The following SDK1 variants were observed in gnomAD, a reference collection of about 807,000 sequenced individuals.
SDK1 encodes the protein protein sidekick-1.
In SDK1, 157 loss-of-function variants were observed where a neutral mutation model predicts 245.5. The observed-to-expected ratio is 0.64, with a 90% CI of 0.56 to 0.73. The LOEUF is 0.73. Among genes scored for constraint, SDK1 ranks in the 30% least tolerant of loss-of-function variants. SDK1 has a pLI of 0.00. For missense variants in SDK1, 3,583 were observed against 3,002.3 expected (o/e 1.19, Z -4.52); for synonymous variants, 1,647 against 1,278.5 (o/e 1.29, Z -6.15).
intron 5 of SDK1, among the ~76,000 whole-genome samples, chr7:3,848,544 A>G (rs1455085004): frequency 6.6e-6 from 1 of 152,174 alleles, no homozygotes; most frequent in African/African-American, 2.4e-5. Context: ...ATCTACTAAT[A>G]GAAGTTGATT....
chr7:3,779,938 CAA>C lies in SDK1; in HGVS notation c.714-41490_714-41489del, dbSNP rs34979965. Among the ~76,000 whole-genome samples the C allele has an allele frequency of 8.8e-3, 411 of 46,562 alleles. 1 individual carries two copies. The highest frequency in any genetic ancestry group is 0.028 in the African/African-American group (395 of 14,134). The allele number at this position is 46,562 out of a possible 152,430, so 30.5% of individuals were successfully genotyped here. ...TGGGCGACAGAGGGAGACTCCGTCT[CAA>C]AAAAAAAAAAAAAAAAAAAAAGATG... On this transcript the variant is annotated intron_variant, in intron 4 of 44. Coordinates refer to ENST00000404826, the MANE Select transcript of SDK1 (RefSeq NM_152744.4).
rs547685925 is a variant in SDK1 at position 3,666,740 on chromosome 7, A to G, written c.713+24635A>G. On this transcript the variant is annotated intron_variant, in intron 4 of 44. Coordinates refer to ENST00000404826, the MANE Select transcript of SDK1 (RefSeq NM_152744.4). ...TCTTTTCATAATTACCTGTCAAAGT[A>G]CATTTGTGAAAACAAAAAAAATCAA... Among the ~76,000 whole-genome samples, 51 of 152,340 alleles carry G rather than the reference A, an allele frequency of 3.3e-4. No individual in the cohort carries two copies. In the South Asian group the frequency reaches 9.1e-3, roughly 27 times the overall value.
At position 4,026,411 on chromosome 7, in the gene SDK1, A is replaced by C. The variant is rs1369991908; in HGVS notation, c.2602+9059A>C. On this transcript the variant is annotated intron_variant, in intron 17 of 44. Transcript: ENST00000404826. This position sits in a 1 kb window ranked among gnomAD's most constrained non-coding sequence, Gnocchi z 4.1. Reference sequence around the variant, plus strand: ...ATGAAACTGGTATTTTGTGAATAGAAATAACATCTTGTTCCTAACTGACTT... The same window carrying C: ...ATGAAACTGGTATTTTGTGAATAGACATAACATCTTGTTCCTAACTGACTT... Among the ~76,000 whole-genome samples, 1 of 152,332 alleles carries C rather than the reference A, an allele frequency of 6.6e-6. No homozygotes were observed. The highest frequency in any genetic ancestry group is 2.4e-5 in the African/African-American group (1 of 41,574).
At chr7:3,544,382 C>G (rs973638190) in intron 1 of SDK1, among the ~76,000 whole-genome samples, 1 of 149,670 alleles carries the variant, frequency 6.7e-6, no homozygotes, top group Non-Finnish European at 1.5e-5. Context: ...AGCGACCTCA[C>G]AGGCAGCATG....
At chr7:3,884,746 G>A (rs913645773) in intron 5 of SDK1, among the ~76,000 whole-genome samples, 3 of 152,224 alleles carry the variant, frequency 2.0e-5, no homozygotes, top group Non-Finnish European at 4.4e-5. Context: ...TGAAGCAAGC[G>A]TGGTTAGATC....
chr7:3,827,904 A>G (rs1340446822), intron 5 of SDK1, among the ~76,000 whole-genome samples: 1 of 152,190 alleles, frequency 6.6e-6, no homozygotes, highest in African/African-American at 2.4e-5. Flanking sequence ...TGAGTAAGAA[A>G]CAAACCTTGG....
At chr7:3,971,780 C>T (rs903210415) in intron 12 of SDK1, among the ~76,000 whole-genome samples, 1 of 152,186 alleles carries the variant, frequency 6.6e-6, no homozygotes, top group African/African-American at 2.4e-5. Flanking sequence ...AGCTATGTTC[C>T]ACTTCATGAC....
intron 17 of SDK1, among the ~76,000 whole-genome samples, chr7:4,023,050 A>G (rs1787048480): frequency 6.6e-6 from 1 of 152,238 alleles, no homozygotes; most frequent in African/African-American, 2.4e-5. Context: ...CTGGGATTAC[A>G]GGTGTGAGCC....
Position 4,064,678 on chromosome 7 carries a change from C to G in SDK1, c.2912-3160C>G, listed in dbSNP as rs115518984. On this transcript the variant is annotated intron_variant, in intron 19 of 44. Transcript: ENST00000404826. ...ATCAACCCAAGCGTCCATCAGTAGACCAACGGATAAGAAAATGTGGTGTAT... is the reference window on the plus strand; with the variant it reads ...ATCAACCCAAGCGTCCATCAGTAGAGCAACGGATAAGAAAATGTGGTGTAT... Among the ~76,000 whole-genome samples, 620 of 152,226 alleles carry G rather than the reference C, an allele frequency of 4.1e-3. 4 individuals are homozygous for G. Among genetic ancestry groups the G allele is most frequent in the African/African-American group, 0.014 (592 of 41,540 alleles).
At chr7:3,854,928 G>A (rs1005594798) in intron 5 of SDK1, among the ~76,000 whole-genome samples, 1 of 152,182 alleles carries the variant, frequency 6.6e-6, no homozygotes, top group South Asian at 2.1e-4. Flanking sequence ...GACACTGAGA[G>A]CAGGGTGGAC....
intron 7 of SDK1, among the ~76,000 whole-genome samples, chr7:3,957,539 C>G (rs558480546): frequency 1.3e-5 from 2 of 152,194 alleles, no homozygotes; most frequent in East Asian, 3.9e-4. Flanking sequence ...ATGTTGTTGT[C>G]GAATGTATGT....
At chr7:4,013,169 T>C (rs1333486328) in intron 16 of SDK1, among the ~76,000 whole-genome samples, 1 of 152,208 alleles carries the variant, frequency 6.6e-6, no homozygotes, top group African/African-American at 2.4e-5. Context: ...GTCTTTGCTT[T>C]ATAAAGGACA....
intron 4 of SDK1, among the ~76,000 whole-genome samples, chr7:3,658,907 C>T (rs1012165903): frequency 1.3e-5 from 2 of 152,104 alleles, no homozygotes; most frequent in African/African-American, 4.8e-5. Context: ...TGTGAGCCAC[C>T]ATGCCTGGCC....
intron 1 of SDK1, among the ~76,000 whole-genome samples, chr7:3,527,341 C>T (rs1451767901): frequency 6.6e-6 from 1 of 152,090 alleles, no homozygotes; most frequent in East Asian, 1.9e-4. Context: ...CTGTGAAGAA[C>T]ACGAAGCGCG....
At chr7:4,206,892 G>C (rs1017345175) in intron 36 of SDK1, among the ~76,000 whole-genome samples, 1 of 152,196 alleles carries the variant, frequency 6.6e-6, no homozygotes, top group Non-Finnish European at 1.5e-5. Flanking sequence ...GGTGTGTTAT[G>C]AAAATTAATA....
intron 4 of SDK1, among the ~76,000 whole-genome samples, chr7:3,689,703 A>G (rs780391947): frequency 4.6e-5 from 7 of 152,208 alleles, no homozygotes; most frequent in Non-Finnish European, 7.3e-5. Context: ...AATGAGGATT[A>G]GGTTAGATGA....
At chr7:3,375,155 A>T (rs1487128172) in intron 1 of SDK1, among the ~76,000 whole-genome samples, 1 of 151,118 alleles carries the variant, frequency 6.6e-6, no homozygotes, top group African/African-American at 2.4e-5. Context: ...CTCACATGTA[A>T]TAAAGCTAAT....
rs139234170 is a variant in SDK1 at position 3,968,962 on chromosome 7, A to T, written c.1547-295A>T. Among the ~76,000 whole-genome samples, 13 of 152,332 alleles carry T rather than the reference A, an allele frequency of 8.5e-5. No homozygotes were observed. The East Asian group carries it at 2.5e-3, about 29-fold the overall frequency. ...TGGAAGGTGAAGAGGAAGCAGGCGC[A>T]TCTCACAAGGCTGCAAGAGAGAGAA... On this transcript the variant is annotated intron_variant, in intron 10 of 44. Transcript: ENST00000404826.
chr7:3,540,262 C>T (rs1000885662), intron 1 of SDK1, among the ~76,000 whole-genome samples: 3 of 152,174 alleles, frequency 2.0e-5, no homozygotes, highest in Non-Finnish European at 2.9e-5. Context: ...CAAAAATTAG[C>T]CAGACATGGT....
Sources: allele counts gnomAD v4.1 joint callset (sites outside exome capture counted in the v4.1 genomes callset), GRCh38; gene constraint gnomAD v4.1.1; non-coding constraint Gnocchi (gnomAD v3.1); transcripts MANE v1.5; gene names NCBI Gene and HGNC (gene_info 2026-07-23, HGNC 2026-07-21).